The following CNTNAP2 variants were observed in gnomAD, a reference collection of about 807,000 sequenced individuals.
CNTNAP2 encodes the protein contactin associated protein 2, also known as contactin-associated protein-like 2.
In CNTNAP2, 98 loss-of-function variants were observed where a neutral mutation model predicts 155.2. That is an observed-to-expected ratio of 0.63 (90% CI 0.54 to 0.75). The LOEUF is 0.75. Ranked by LOEUF, CNTNAP2 falls within the 30% of genes least tolerant of loss-of-function variation. The pLI is 0.00. For synonymous variants in CNTNAP2, 651 were observed against 631.2 expected (o/e 1.03, Z -0.47); for missense variants, 1,727 against 1,688.1 (o/e 1.02, Z -0.40).
intron 15 of CNTNAP2, among the ~76,000 whole-genome samples, chr7:148,066,789 C>T (rs182591335): frequency 1.3e-4 from 20 of 152,226 alleles, no homozygotes; most frequent in African/African-American, 4.1e-4. Context: ...TGAGCCACCG[C>T]GCCCAGCCTT....
At chr7:147,264,764 C>T (rs989808816) in intron 8 of CNTNAP2, among the ~76,000 whole-genome samples, 5 of 151,852 alleles carry the variant, frequency 3.3e-5, no homozygotes, top group East Asian at 2.0e-4. Context: ...CAGGTGATAG[C>T]ATCAGTGAAA....
At chr7:146,736,759 G>T (rs972143060) in intron 1 of CNTNAP2, among the ~76,000 whole-genome samples, 1 of 152,096 alleles carries the variant, frequency 6.6e-6, no homozygotes. Context: ...TTCATCTGAA[G>T]AAATAAAGGA....
At chr7:146,893,613 C>T (rs1795822068) in intron 3 of CNTNAP2, among the ~76,000 whole-genome samples, 1 of 152,040 alleles carries the variant, frequency 6.6e-6, no homozygotes, top group Non-Finnish European at 1.5e-5. Flanking sequence ...GACTATTCAT[C>T]TGTTCTAGCT....
chr7:146,339,776 CAG>C (rs997482321), intron 1 of CNTNAP2, among the ~76,000 whole-genome samples: 16 of 152,136 alleles, frequency 1.1e-4, no homozygotes, highest in East Asian at 3.9e-4. Context: ...GAACCAGTAA[CAG>C]GGGATTTTAC....
chr7:146,863,953 A>G (rs1278791376), intron 3 of CNTNAP2, among the ~76,000 whole-genome samples: 1 of 152,028 alleles, frequency 6.6e-6, no homozygotes, highest in Admixed American at 6.6e-5. Flanking sequence ...CCTCTTTGCT[A>G]TTGATAGAGG....
intron 1 of CNTNAP2, among the ~76,000 whole-genome samples, chr7:146,679,155 C>T (rs1800455885): frequency 6.6e-6 from 1 of 152,044 alleles, no homozygotes; most frequent in Non-Finnish European, 1.5e-5. Context: ...TCCTCTTCCT[C>T]CTCCCACCCT....
intron 10 of CNTNAP2, among the ~76,000 whole-genome samples, chr7:147,475,229 C>T (rs6464812): frequency 0.77 from 117,461 of 152,176 alleles, 45,612 homozygotes; most frequent in African/African-American, 0.85. Context: ...TACACTAGTG[C>T]GTGTATAAGA....
intron 12 of CNTNAP2, among the ~76,000 whole-genome samples, chr7:147,630,649 G>T (rs1205417698): frequency 6.6e-6 from 1 of 152,074 alleles, no homozygotes; most frequent in East Asian, 1.9e-4. Flanking sequence ...TTCGTACCAG[G>T]GATGCAGGGA....
intron 1 of CNTNAP2, among the ~76,000 whole-genome samples, chr7:146,322,125 G>A (rs1263491995): frequency 6.6e-6 from 1 of 152,162 alleles, no homozygotes; most frequent in Non-Finnish European, 1.5e-5. Flanking sequence ...TGAGGGGAAG[G>A]AAGGTATTAG....
chr7:147,693,951 A>G (rs1419137342), intron 13 of CNTNAP2, among the ~76,000 whole-genome samples: 2 of 152,038 alleles, frequency 1.3e-5, no homozygotes, highest in Admixed American at 1.3e-4. Context: ...CAGGTTTCTA[A>G]CTATTAAATA....
chr7:146,611,284 TCTCA>T (rs1193458233), intron 1 of CNTNAP2, among the ~76,000 whole-genome samples: 1 of 152,180 alleles, frequency 6.6e-6, no homozygotes, highest in East Asian at 1.9e-4. Context: ...CGATACAGAG[TCTCA>T]CTATGTTGCC....
chr7:146,786,612 G>A (rs1404256161), intron 2 of CNTNAP2, among the ~76,000 whole-genome samples: 1 of 152,126 alleles, frequency 6.6e-6, no homozygotes, highest in Non-Finnish European at 1.5e-5. Flanking sequence ...GAATATTGCT[G>A]ACAATAAAAC....
At chr7:147,040,830 C>A (rs1485197316) in intron 3 of CNTNAP2, among the ~76,000 whole-genome samples, 1 of 152,104 alleles carries the variant, frequency 6.6e-6, no homozygotes, top group Admixed American at 6.6e-5. Context: ...GAAGAGGTTG[C>A]TGAGCAGTCG....
At chr7:147,396,439 A>T (rs1274391890) in intron 10 of CNTNAP2, among the ~76,000 whole-genome samples, 2 of 151,922 alleles carry the variant, frequency 1.3e-5, no homozygotes, top group African/African-American at 4.8e-5. Context: ...AGTGTGCAAG[A>T]TGGGTATTTA....
intron 9 of CNTNAP2, among the ~76,000 whole-genome samples, chr7:147,323,802 A>G (rs981930897): frequency 5.9e-5 from 9 of 152,200 alleles, no homozygotes; most frequent in South Asian, 2.1e-4. Context: ...TTTAAGCAAT[A>G]GAATATTTTT....
intron 1 of CNTNAP2, among the ~76,000 whole-genome samples, chr7:146,490,483 A>G (rs1401884896): frequency 6.6e-6 from 1 of 152,232 alleles, no homozygotes; most frequent in Non-Finnish European, 1.5e-5. Context: ...TTTTCCCGCG[A>G]CATAACTTTT....
chr7:147,005,321 AT>A (rs1445896534), intron 3 of CNTNAP2, among the ~76,000 whole-genome samples: 2 of 151,990 alleles, frequency 1.3e-5, no homozygotes, highest in Non-Finnish European at 2.9e-5. Flanking sequence ...AACCCTTGTT[AT>A]TTTTTATGAT....
chr7:147,947,192 T>C (rs1375736012), intron 14 of CNTNAP2, among the ~76,000 whole-genome samples: 1 of 152,166 alleles, frequency 6.6e-6, no homozygotes, highest in African/African-American at 2.4e-5. Flanking sequence ...GAAAAGTCTT[T>C]CTGGGTGCAG....
rs775084779 is a variant in CNTNAP2, at chr7:148,022,676, G to C, written c.2383+44687G>C. Among the ~76,000 whole-genome samples the C allele has an allele frequency of 2.0e-5, 3 of 150,722 alleles. No homozygotes were observed. In the Admixed American group the frequency reaches 2.0e-4, roughly 10 times the overall value. On this transcript the variant is annotated intron_variant, in intron 15 of 23. Transcript: ENST00000361727. The stretch of plus-strand genomic sequence containing the variant: ...TTTTGTTTTTCCCTTATTACTGTTC[G>C]TGGAGTGTTTTAGTTTGCTTTTTTG...
Sources: gnomAD v4.1 joint callset for allele counts (sites outside exome capture counted in the v4.1 genomes callset) on GRCh38, gnomAD v4.1.1 for gene constraint, MANE v1.5 for transcripts, NCBI Gene and HGNC (gene_info 2026-07-23, HGNC 2026-07-21) for gene names.